Variants in KIAA1217 observed in about 807,000 individuals in gnomAD.
The protein encoded by KIAA1217 is KIAA1217.
Under a neutral mutation model 163.9 loss-of-function variants are expected in KIAA1217, and 88 were observed. The observed-to-expected ratio is 0.54, with a 90% CI of 0.45 to 0.64. The LOEUF is 0.64. KIAA1217 is among the 30% of genes least tolerant of loss of function. KIAA1217 has a pLI of 0.00. For synonymous variants in KIAA1217, 903 were observed against 923.1 expected (o/e 0.98, Z 0.39); for missense variants, 2,372 against 2,475.0 (o/e 0.96, Z 0.88).
chr10:24,059,837 T>C (rs2131598218), intron 2 of KIAA1217, among the ~76,000 whole-genome samples: 1 of 152,320 alleles, frequency 6.6e-6, no homozygotes, highest in East Asian at 1.9e-4. Context: ...AGTGTTGGGA[T>C]TACAGGCGTG....
chr10:24,209,969 G>T (rs1220023767), intron 1 of KIAA1217, among the ~76,000 whole-genome samples: 3 of 152,096 alleles, frequency 2.0e-5, no homozygotes, highest in African/African-American at 7.2e-5. Context: ...ACCGGGTTGG[G>T]TGGCCAGAGG....
chr10:24,140,359 C>CAAAAA (rs1260294070), intron 2 of KIAA1217, among the ~76,000 whole-genome samples: 1 of 94,280 alleles, frequency 1.1e-5, no homozygotes, highest in African/African-American at 3.8e-5. Flanking sequence ...GACTCTGTCT[C>CAAAAA]AAAAAAAAAA....
At chr10:24,050,911 T>G (rs976804141) in intron 2 of KIAA1217, among the ~76,000 whole-genome samples, 1 of 152,140 alleles carries the variant, frequency 6.6e-6, no homozygotes, top group Admixed American at 6.5e-5. Context: ...GTCCACTTCT[T>G]AACATGGTTT....
intron 2 of KIAA1217, among the ~76,000 whole-genome samples, chr10:24,332,423 G>C (rs1166915056): frequency 6.6e-6 from 1 of 152,164 alleles, no homozygotes; most frequent in African/African-American, 2.4e-5. Flanking sequence ...AGGCTTTTAT[G>C]ACCTGGAAGA....
At chr10:24,338,078 A>C (rs1178379164) in intron 2 of KIAA1217, among the ~76,000 whole-genome samples, 1 of 152,234 alleles carries the variant, frequency 6.6e-6, no homozygotes, top group Admixed American at 6.5e-5. Context: ...CAAATGGCCA[A>C]TGCAGCATGA....
intron 1 of KIAA1217, among the ~76,000 whole-genome samples, chr10:23,862,778 A>T (rs1298320757): frequency 6.6e-6 from 1 of 152,038 alleles, no homozygotes; most frequent in Non-Finnish European, 1.5e-5. Context: ...TTTTGTTCTG[A>T]GGGAAGTAAG....
intron 2 of KIAA1217, among the ~76,000 whole-genome samples, chr10:24,197,676 T>A (rs778666951): frequency 6.6e-6 from 1 of 152,290 alleles, no homozygotes; most frequent in Non-Finnish European, 1.5e-5. Flanking sequence ...TTTATCTTTA[T>A]AATTCCCTTA....
At chr10:24,216,293 G>T (rs2068806551) in intron 1 of KIAA1217, among the ~76,000 whole-genome samples, 1 of 152,116 alleles carries the variant, frequency 6.6e-6, no homozygotes, top group South Asian at 2.1e-4. Context: ...AAACAGAATA[G>T]ATCATATGAG....
intron 2 of KIAA1217, among the ~76,000 whole-genome samples, chr10:24,164,979 C>T (rs964483044): frequency 6.6e-6 from 1 of 152,168 alleles, no homozygotes; most frequent in African/African-American, 2.4e-5. Context: ...AGAGTGCTGG[C>T]AAAAGTGGAA....
At chr10:23,824,260 G>A (rs993336381) in intron 1 of KIAA1217, among the ~76,000 whole-genome samples, 2 of 151,954 alleles carry the variant, frequency 1.3e-5, no homozygotes, top group East Asian at 1.9e-4. Flanking sequence ...AGTGACAGGA[G>A]TTAAGACCCT....
intron 1 of KIAA1217, among the ~76,000 whole-genome samples, chr10:23,981,968 C>T (rs1845784279): frequency 6.6e-6 from 1 of 151,876 alleles, no homozygotes; most frequent in Non-Finnish European, 1.5e-5. Context: ...GTACGTTAAA[C>T]ACTGCCTAGC....
At chr10:24,149,143 A>G (rs1266145047) in intron 2 of KIAA1217, among the ~76,000 whole-genome samples, 2 of 152,154 alleles carry the variant, frequency 1.3e-5, no homozygotes, top group African/African-American at 4.8e-5. Context: ...AAAGTATAAT[A>G]TAAACAACAA....
intron 1 of KIAA1217, among the ~76,000 whole-genome samples, chr10:23,713,392 T>C (rs936933552): frequency 6.6e-6 from 1 of 152,164 alleles, no homozygotes; most frequent in Non-Finnish European, 1.5e-5. Flanking sequence ...GTTTTTTTAC[T>C]TCCAATGGAT....
intron 1 of KIAA1217, among the ~76,000 whole-genome samples, chr10:24,004,351 T>TA (rs1442240376): frequency 2.0e-5 from 3 of 152,072 alleles, no homozygotes; most frequent in Non-Finnish European, 2.9e-5. Context: ...CATCTTTTTT[T>TA]AAAAAAACCC....
chr10:23,698,877 T>C (rs1184652384), intron 1 of KIAA1217, among the ~76,000 whole-genome samples: 1 of 152,068 alleles, frequency 6.6e-6, no homozygotes, highest in Non-Finnish European at 1.5e-5. Context: ...CTCAACCTCC[T>C]GGGCTCAAGC....
chr10:24,336,150 G>A (rs541770387), intron 2 of KIAA1217, among the ~76,000 whole-genome samples: 21 of 152,298 alleles, frequency 1.4e-4, no homozygotes, highest in African/African-American at 4.8e-4. Context: ...GGTGAGGCAG[G>A]AGAATCTCGT....
intron 1 of KIAA1217, among the ~76,000 whole-genome samples, chr10:23,999,918 A>G (rs1846663420): frequency 6.6e-6 from 1 of 151,984 alleles, no homozygotes. Context: ...AAAAATAATA[A>G]TAACTGGGGA....
chr10:24,026,815 G>T (rs1314734989), intron 2 of KIAA1217, among the ~76,000 whole-genome samples: 1 of 142,930 alleles, frequency 7.0e-6, no homozygotes, highest in Non-Finnish European at 1.5e-5. Flanking sequence ...TTTTTCCAAG[G>T]TGGATGCTTA....
At chr10:23,875,749 C>A (rs1446514801) in intron 1 of KIAA1217, among the ~76,000 whole-genome samples, 2 of 151,972 alleles carry the variant, frequency 1.3e-5, no homozygotes, top group Admixed American at 1.3e-4. Context: ...CACATATACA[C>A]CATGGAATAC....
Sources: gnomAD v4.1 joint callset for allele counts (sites outside exome capture counted in the v4.1 genomes callset) on GRCh38, gnomAD v4.1.1 for gene constraint, MANE v1.5 for transcripts, NCBI Gene and HGNC (gene_info 2026-07-23, HGNC 2026-07-21) for gene names.